Variants in UBXN2A observed in about 807,000 individuals in gnomAD.
UBXN2A encodes the protein UBX domain-containing protein 2A.
In UBXN2A, 28 loss-of-function variants were observed where a neutral mutation model predicts 28.4. That is an observed-to-expected ratio of 0.99 (90% CI 0.73 to 1.35). The LOEUF is 1.35. UBXN2A is among the 40% of genes most tolerant of loss of function. The pLI is 0.00. For missense variants in UBXN2A, 253 were observed against 297.9 expected (o/e 0.85, Z 1.11); for synonymous variants, 97 against 103.6 (o/e 0.94, Z 0.39).
intron 1 of UBXN2A, among the ~76,000 whole-genome samples, chr2:23,942,871 T>G (rs1238719940): frequency 6.6e-6 from 1 of 151,984 alleles, no homozygotes; most frequent in Non-Finnish European, 1.5e-5. Context: ...CCAAATGACT[T>G]GGATGTTATT....
intron 6 of UBXN2A, among the ~76,000 whole-genome samples, chr2:23,985,241 C>A (rs1244369599): frequency 6.6e-6 from 1 of 151,716 alleles, no homozygotes; most frequent in Non-Finnish European, 1.5e-5. Context: ...TCCTGCCAAG[C>A]ATTTTATTTA....
intron 1 of UBXN2A, among the ~76,000 whole-genome samples, chr2:23,954,935 T>C (rs1001551481): frequency 1.3e-5 from 2 of 148,360 alleles, no homozygotes; most frequent in African/African-American, 5.0e-5. Context: ...GCCTACCTTT[T>C]TTTTTTTTTT....
chr2:23,997,930 G>T (rs1290219173), intron 6 of UBXN2A, among the ~76,000 whole-genome samples: 2 of 151,332 alleles, frequency 1.3e-5, no homozygotes, highest in African/African-American at 4.9e-5. Flanking sequence ...TCCTGCCTCA[G>T]CCTCCTGAGT....
rs185671754 is a variant in UBXN2A, at chr2:23,973,805, G to A, written c.180+2391G>A. Among the ~76,000 whole-genome samples the A allele has an allele frequency of 1.3e-3, 202 of 150,832 alleles. 1 individual carries two copies. The highest frequency in any genetic ancestry group is 4.8e-3 in the African/African-American group (195 of 41,038). On this transcript the variant is annotated intron_variant, in intron 3 of 6. Transcript: ENST00000309033. ...GCACCACCACGCCTAGCTAATTTTT[G>A]CATTTTAGTTGAGACGGGGTTTCAC...
chr2:23,992,075 G>A lies in UBXN2A; in HGVS notation c.584+7244G>A, dbSNP rs1419480183. On this transcript the variant is annotated intron_variant, in intron 6 of 6. Transcript: ENST00000309033. ...CAACCTCCGCCTCCCTGGTTCATGC[G>A]ATTCTCCTGCCTCAGCCTCCCGAGT... Among the ~76,000 whole-genome samples, 7 of 152,214 alleles carry A rather than the reference G, an allele frequency of 4.6e-5. No individual in the cohort carries two copies. In the South Asian group the frequency reaches 8.3e-4, roughly 18 times the overall value.
intron 4 of UBXN2A, among the ~76,000 whole-genome samples, chr2:23,980,331 C>T (rs1272694405): frequency 6.6e-6 from 1 of 152,144 alleles, no homozygotes; most frequent in Non-Finnish European, 1.5e-5. Context: ...GAATTGTTAA[C>T]TCTTATATTA....
intron 4 of UBXN2A, among the ~76,000 whole-genome samples, chr2:23,982,185 C>G (rs928145086): frequency 6.6e-6 from 1 of 150,514 alleles, no homozygotes; most frequent in Non-Finnish European, 1.5e-5. Flanking sequence ...CGATGAAACT[C>G]CATCTCTACT....
At chr2:23,942,233 G>T (rs1378931571) in intron 1 of UBXN2A, among the ~76,000 whole-genome samples, 1 of 152,134 alleles carries the variant, frequency 6.6e-6, no homozygotes, top group Non-Finnish European at 1.5e-5. Flanking sequence ...TTTGAGCTTA[G>T]ATATTAGGGA....
At chr2:23,927,547 C>T (rs1405119900) in exon 1 of UBXN2A, 2 of 149,048 alleles carry the variant, frequency 1.3e-5, no homozygotes, top group Admixed American at 1.4e-4. Flanking sequence ...TCGCACTTTT[C>T]ATGCCTGTAG....
At chr2:23,970,261 A>G (rs1410131380) in intron 2 of UBXN2A, among the ~76,000 whole-genome samples, 1 of 152,202 alleles carries the variant, frequency 6.6e-6, no homozygotes, top group Non-Finnish European at 1.5e-5. Context: ...TCCAGCCTGC[A>G]CGACAGAGAG....
At chr2:23,957,308 A>T (rs1358447922) in intron 1 of UBXN2A, among the ~76,000 whole-genome samples, 1 of 151,318 alleles carries the variant, frequency 6.6e-6, no homozygotes, top group Non-Finnish European at 1.5e-5. Context: ...TGCCTGGCTA[A>T]CTTTTTTTTT....
chr2:23,999,224 C>A (rs1242567777), intron 6 of UBXN2A, among the ~76,000 whole-genome samples: 1 of 152,128 alleles, frequency 6.6e-6, no homozygotes. Context: ...GATCATGATA[C>A]AATTGTGACA....
intron 3 of UBXN2A, among the ~76,000 whole-genome samples, chr2:23,974,626 G>A (rs1055700750): frequency 8.0e-5 from 12 of 150,334 alleles, no homozygotes; most frequent in East Asian, 4.0e-4. Flanking sequence ...GATTACAGAC[G>A]CGAGCCACCG....
At chr2:23,983,403 A>T (rs915011908) in intron 5 of UBXN2A, among the ~76,000 whole-genome samples, 3 of 152,028 alleles carry the variant, frequency 2.0e-5, no homozygotes, top group Non-Finnish European at 4.4e-5. Context: ...GCTCCTCGGG[A>T]GGCTGAGGCA....
intron 5 of UBXN2A, 137 bp from the exon 6 acceptor site, chr2:23,984,536 A>G: frequency 1.5e-6 from 1 of 647,824 alleles, no homozygotes; most frequent in Non-Finnish European, 2.2e-6. Context: ...TCTTTCTGTT[A>G]TTACTGAAGA....
At chr2:23,931,382 G>A (rs780262869) in intron 1 of UBXN2A, among the ~76,000 whole-genome samples, 2 of 151,816 alleles carry the variant, frequency 1.3e-5, no homozygotes, top group Non-Finnish European at 2.9e-5. Context: ...AAAGGCGGAG[G>A]CTGCAGTAAG....
chr2:23,965,644 A>G (rs1707130631), intron 2 of UBXN2A, among the ~76,000 whole-genome samples: 1 of 152,166 alleles, frequency 6.6e-6, no homozygotes, highest in African/African-American at 2.4e-5. Context: ...GTATTTTTGC[A>G]TATATGTTCA....
chr2:23,959,142 T>C (rs926717710), intron 2 of UBXN2A, among the ~76,000 whole-genome samples: 2 of 152,206 alleles, frequency 1.3e-5, no homozygotes, highest in African/African-American at 4.8e-5. Flanking sequence ...CTATTATTTA[T>C]TTTTTAACTC....
At chr2:23,997,888 C>T (rs1038999951) in intron 6 of UBXN2A, among the ~76,000 whole-genome samples, 9 of 151,370 alleles carry the variant, frequency 5.9e-5, no homozygotes, top group Middle Eastern at 3.4e-3. Context: ...TTTTGGCTCA[C>T]TGCAACCTCG....
Sources: gnomAD v4.1 joint callset for allele counts (sites outside exome capture counted in the v4.1 genomes callset) on GRCh38, gnomAD v4.1.1 for gene constraint, MANE v1.5 for transcripts, NCBI Gene and HGNC (gene_info 2026-07-23, HGNC 2026-07-21) for gene names.